The following GAK variants were observed in gnomAD, a reference collection of about 807,000 sequenced individuals.
The protein encoded by GAK is cyclin-G-associated kinase.
GAK carries 79 observed loss-of-function variants against 143.9 expected under a neutral mutation model. The ratio of observed to expected loss-of-function variants is 0.55; its 90% CI spans 0.46 to 0.66. The LOEUF (loss-of-function observed/expected upper bound fraction) is 0.66. Ranked by LOEUF, GAK falls within the 30% of genes least tolerant of loss-of-function variation. The probability of loss-of-function intolerance (pLI) is 0.00; values close to 1 mark genes in which losing one functional copy is unlikely to be tolerated. For missense variants in GAK, 1,693 were observed against 1,779.7 expected (o/e 0.95, Z 0.88); for synonymous variants, 881 against 765.5 (o/e 1.15, Z -2.49).
chr4:855,782 A>C (rs7667270), intron 24 of GAK, among the ~76,000 whole-genome samples: 94,633 of 151,916 alleles, frequency 0.62, 29,623 homozygotes, highest in South Asian at 0.81. Flanking sequence ...TGGTGAAACC[A>C]TGTCTCTACT....
intron 19 of GAK, chr4:868,929 A>G: frequency 1.9e-6 from 1 of 521,108 alleles, no homozygotes; most frequent in Non-Finnish European, 3.5e-6. Context: ...GAACACGCAC[A>G]AGGAACCCAC....
In GAK at chr4:871,035, C is replaced by A. The variant is rs894174283; in HGVS notation, c.2055-131G>T. 1.2e-5 allele frequency: 9 copies of A among 742,326 alleles called. No homozygotes were observed. The African/African-American group carries it at 1.6e-4, about 13-fold the overall frequency. 46.0% of individuals were successfully genotyped at this position (742,326 alleles called of 1,614,324 possible). A position where few individuals can be genotyped will look rare whatever the true frequency, so the allele number is the denominator to read the frequency against. On this transcript the variant is annotated intron_variant, in intron 18 of 27. Transcript: ENST00000314167. Reference sequence around the variant, plus strand: ...AGCGGGGCGAGAACAACCAGGGCAGCCGGCCACCCCCGCCTGCGGAAGCTG... The same window carrying A: ...AGCGGGGCGAGAACAACCAGGGCAGACGGCCACCCCCGCCTGCGGAAGCTG...
intron 12 of GAK, among the ~76,000 whole-genome samples, chr4:883,827 C>A (rs888579022): frequency 7.9e-5 from 12 of 152,246 alleles, no homozygotes; most frequent in African/African-American, 2.7e-4. Flanking sequence ...CCATGGGAGG[C>A]CAGGCTGGCG....
At chr4:901,861 C>T (rs927351163) in intron 5 of GAK, among the ~76,000 whole-genome samples, 4 of 152,196 alleles carry the variant, frequency 2.6e-5, no homozygotes, top group African/African-American at 9.7e-5. Flanking sequence ...TTTGGGAAAA[C>T]CAGGGAAGGC....
rs1715704469 is a variant in GAK at position 883,960 on chromosome 4, C to G, written c.1255+77G>C. 5 of 1,384,118 alleles carry G rather than the reference C, an allele frequency of 3.6e-6. No individual in the cohort carries two copies. The South Asian group carries it at 6.0e-5, about 17-fold the overall frequency. The allele number at this position is 1,384,118 out of a possible 1,614,324, so 85.7% of individuals were successfully genotyped here. A position where few individuals can be genotyped will look rare whatever the true frequency, so the allele number is the denominator to read the frequency against. On this transcript the variant is annotated intron_variant, in intron 12 of 27. Transcript: ENST00000314167. ...AGGCTGGAGCAGAGGCACCTGTGCC[C>G]TGACACACAACAGGGACTCACTGGG...
chr4:893,596 A>C, intron 8 of GAK, 107 bp from the exon 9 acceptor site: 1 of 785,326 alleles, frequency 1.3e-6, no homozygotes, highest in Non-Finnish European at 1.9e-6. Flanking sequence ...CTCTACACAC[A>C]TCAGTGACGT....
intron 11 of GAK, 74 bp from the exon 12 acceptor site, chr4:884,160 G>A (rs1329598197): frequency 1.5e-6 from 2 of 1,364,802 alleles, no homozygotes; most frequent in Admixed American, 1.7e-5. Context: ...TTAAGCCAGA[G>A]CCCGAGGCCT....
Position 908,427 on chromosome 4 carries a change from C to A in GAK, c.382+3246G>T, listed in dbSNP as rs528632493. On this transcript the variant is annotated intron_variant, in intron 4 of 27. Coordinates refer to ENST00000314167, the MANE Select transcript of GAK (RefSeq NM_005255.4). The stretch of plus-strand genomic sequence containing the variant: ...CCAGCGATCCCAGCGCCTCAGGAGG[C>A]CTTGGTGGGAGGATCACCTGAGCCC... Among the ~76,000 whole-genome samples the A allele has an allele frequency of 5.3e-5, 8 of 152,326 alleles. 1 individual carries two copies. Among genetic ancestry groups the A allele is most frequent in the African/African-American group, 1.7e-4 (7 of 41,568 alleles).
chr4:922,301 G>C (rs1381846552), intron 1 of GAK, among the ~76,000 whole-genome samples: 1 of 151,904 alleles, frequency 6.6e-6, no homozygotes, highest in Non-Finnish European at 1.5e-5. Context: ...GATCACTTGA[G>C]GTCGTGAGTT....
chr4:918,551 G>C (rs563560302), intron 1 of GAK, among the ~76,000 whole-genome samples: 41 of 152,338 alleles, frequency 2.7e-4, no homozygotes, highest in African/African-American at 9.6e-4. Flanking sequence ...CCCCAAAACT[G>C]ACAACTATGA....
intron 5 of GAK, 151 bp from the exon 6 acceptor site, chr4:898,309 C>T: frequency 2.5e-6 from 2 of 809,646 alleles, no homozygotes; most frequent in Non-Finnish European, 3.9e-6. Context: ...CACCTCACAC[C>T]TGCGGACACA....
intron 19 of GAK, 109 bp downstream of exon 19, chr4:870,602 G>T: frequency 1.8e-6 from 2 of 1,124,728 alleles, no homozygotes; most frequent in South Asian, 1.4e-5. Flanking sequence ...GGGCCTGGGT[G>T]CAGCAGCAGG....
intron 22 of GAK, among the ~76,000 whole-genome samples, chr4:865,711 C>T (rs1414280458): frequency 1.3e-5 from 2 of 152,242 alleles, no homozygotes; most frequent in African/African-American, 4.8e-5. Flanking sequence ...TGCAAGGCTG[C>T]ACTCCACACA....
In GAK at chr4:866,552, C is replaced by G. The variant is rs779383845; in HGVS notation, c.2873-18G>C. On this transcript the variant is annotated intron_variant, in intron 21 of 27. Coordinates refer to ENST00000314167, the MANE Select transcript of GAK (RefSeq NM_005255.4). The stretch of plus-strand genomic sequence containing the variant: ...GGGGTCAGCTGTGGGGACAGGCGGG[C>G]ATGGGGAGGACTCAGCCCGGCTGCC... 6.2e-7 allele frequency: 1 copy of G among 1,609,980 alleles called. No individual in the cohort carries two copies. Among genetic ancestry groups the G allele is most frequent in the South Asian group, 1.1e-5 (1 of 90,594 alleles).
At chr4:914,631 T>A (rs555107200) in intron 1 of GAK, among the ~76,000 whole-genome samples, 14 of 14,234 alleles carry the variant, frequency 9.8e-4, no homozygotes, top group Admixed American at 1.0e-3. Flanking sequence ...CCCCCCGCAC[T>A]CAGCCCTAGC....
chr4:867,842 T>C (rs537571188), intron 20 of GAK, among the ~76,000 whole-genome samples: 1 of 152,316 alleles, frequency 6.6e-6, no homozygotes, highest in South Asian at 2.1e-4. Context: ...CGGTGGGGTG[T>C]TGTTCCTGAG....
At chr4:858,534 G>A (rs914918680) in intron 24 of GAK, among the ~76,000 whole-genome samples, 1 of 152,262 alleles carries the variant, frequency 6.6e-6, no homozygotes, top group Non-Finnish European at 1.5e-5. Context: ...ACACAAGACA[G>A]AGGCCACAAA....
chr4:901,787 C>CA (rs1719917403), intron 5 of GAK, among the ~76,000 whole-genome samples: 1 of 152,228 alleles, frequency 6.6e-6, no homozygotes, highest in Non-Finnish European at 1.5e-5. Context: ...CAGCACAGGG[C>CA]ATCCTCCACA....
At chr4:865,276 T>A (rs373506381) in intron 22 of GAK, 32 bp from the exon 23 acceptor site, 6 of 1,611,884 alleles carry the variant, frequency 3.7e-6, no homozygotes, top group South Asian at 3.3e-5. Flanking sequence ...AGAGCACAGT[T>A]TGGTGTCTCA....
Sources: gnomAD v4.1 joint callset for allele counts (sites outside exome capture counted in the v4.1 genomes callset) on GRCh38, gnomAD v4.1.1 for gene constraint, MANE v1.5 for transcripts, NCBI Gene and HGNC (gene_info 2026-07-23, HGNC 2026-07-21) for gene names.